BBS9: variants seen among roughly 807,000 people sequenced by gnomAD.
BBS9 encodes protein PTHB1.
In BBS9, 89 loss-of-function variants were observed where a neutral mutation model predicts 117.7. The observed-to-expected ratio is 0.76, with a 90% CI of 0.64 to 0.90. The LOEUF (loss-of-function observed/expected upper bound fraction) is 0.90, where lower values mean the gene tolerates loss of function less well. Among genes scored for constraint, BBS9 ranks in the 40% least tolerant of loss-of-function variants. BBS9 has a pLI of 0.00. For synonymous variants in BBS9, 379 were observed against 370.9 expected (o/e 1.02, Z -0.25); for missense variants, 982 against 1,042.2 (o/e 0.94, Z 0.80).
chr7:33,419,249 C>G (rs1188024051), intron 19 of BBS9, among the ~76,000 whole-genome samples: 1 of 152,028 alleles, frequency 6.6e-6, no homozygotes, highest in African/African-American at 2.4e-5. Flanking sequence ...ATGAAAATAT[C>G]TGTCACTTAA....
At chr7:33,214,504 C>G (rs1247895065) in intron 5 of BBS9, among the ~76,000 whole-genome samples, 1 of 152,192 alleles carries the variant, frequency 6.6e-6, no homozygotes, top group East Asian at 1.9e-4. Flanking sequence ...ACTTTGCTTG[C>G]TCATCTGATT....
chr7:33,263,087 A>G (rs1018826864), intron 6 of BBS9, among the ~76,000 whole-genome samples: 1 of 106,454 alleles, frequency 9.4e-6, no homozygotes, highest in African/African-American at 3.7e-5. Context: ...AAATTTATAT[A>G]TATTACGTTT....
At chr7:33,405,798 C>T (rs1829845143) in intron 19 of BBS9, among the ~76,000 whole-genome samples, 1 of 152,072 alleles carries the variant, frequency 6.6e-6, no homozygotes, top group Non-Finnish European at 1.5e-5. Flanking sequence ...AAAACCAGCT[C>T]CTGGATTCAT....
intron 4 of BBS9, among the ~76,000 whole-genome samples, chr7:33,162,420 G>A (rs901195792): frequency 2.0e-5 from 3 of 152,130 alleles, no homozygotes; most frequent in African/African-American, 7.2e-5. Flanking sequence ...ATTACCTTGG[G>A]CAGTATGGCC....
chr7:33,206,104 A>G (rs1459533757), intron 5 of BBS9, among the ~76,000 whole-genome samples: 2 of 152,174 alleles, frequency 1.3e-5, no homozygotes, highest in African/African-American at 4.8e-5. Flanking sequence ...CAGGGAGGTC[A>G]TCTGCGCATT....
At chr7:33,190,151 G>A (rs184443260) in intron 5 of BBS9, among the ~76,000 whole-genome samples, 2 of 125,624 alleles carry the variant, frequency 1.6e-5, no homozygotes, top group Non-Finnish European at 3.2e-5. Flanking sequence ...ACTGAGTCTC[G>A]CTCTGTCGCC....
At chr7:33,571,188 A>G (rs541363130) in intron 21 of BBS9, among the ~76,000 whole-genome samples, 1 of 152,194 alleles carries the variant, frequency 6.6e-6, no homozygotes, top group Non-Finnish European at 1.5e-5. Flanking sequence ...AAAAAAGTTT[A>G]TAAAGAGGAA....
intron 19 of BBS9, among the ~76,000 whole-genome samples, chr7:33,453,290 C>T (rs1288089514): frequency 6.6e-6 from 1 of 152,194 alleles, no homozygotes; most frequent in East Asian, 1.9e-4. Context: ...GGCCTTTGCT[C>T]TGCTGATAGT....
chr7:33,578,082 G>A (rs1189203187), intron 21 of BBS9, among the ~76,000 whole-genome samples: 1 of 152,102 alleles, frequency 6.6e-6, no homozygotes, highest in Non-Finnish European at 1.5e-5. Context: ...TAAGAAGTCT[G>A]AAAATTGGAT....
intron 21 of BBS9, among the ~76,000 whole-genome samples, chr7:33,601,548 T>C (rs1863794261): frequency 6.6e-6 from 1 of 152,162 alleles, no homozygotes; most frequent in Non-Finnish European, 1.5e-5. Flanking sequence ...GTATCAGATA[T>C]ACTCATCTGT....
chr7:33,155,780 T>A, intron 4 of BBS9, 78 bp downstream of exon 4: 1 of 822,164 alleles, frequency 1.2e-6, no homozygotes, highest in Non-Finnish European at 2.0e-6. Flanking sequence ...TATTCCCTAG[T>A]GCTGACTTGG....
At chr7:33,317,683 A>G (rs1443772976) in intron 9 of BBS9, among the ~76,000 whole-genome samples, 2 of 152,196 alleles carry the variant, frequency 1.3e-5, no homozygotes, top group Non-Finnish European at 2.9e-5. Flanking sequence ...ACTCTATCCA[A>G]AGTGGTCTCT....
At chr7:33,536,281 T>G (rs1851357684) in intron 21 of BBS9, among the ~76,000 whole-genome samples, 1 of 152,182 alleles carries the variant, frequency 6.6e-6, no homozygotes, top group Admixed American at 6.5e-5. Context: ...CTTGCCACTC[T>G]GTGGTTGAGT....
intron 5 of BBS9, among the ~76,000 whole-genome samples, chr7:33,180,655 G>A (rs1242035343): frequency 3.9e-5 from 6 of 152,018 alleles, no homozygotes; most frequent in Admixed American, 6.6e-5. Flanking sequence ...GCACCTGGCC[G>A]AGAAAATTCT....
chr7:33,295,741 T>C (rs994602897), intron 9 of BBS9, among the ~76,000 whole-genome samples: 2 of 152,010 alleles, frequency 1.3e-5, no homozygotes, highest in Non-Finnish European at 2.9e-5. Flanking sequence ...TATATTGCAA[T>C]GTGATTTAAT....
At chr7:33,390,931 C>A (rs1000728143) in intron 19 of BBS9, among the ~76,000 whole-genome samples, 1 of 152,042 alleles carries the variant, frequency 6.6e-6, no homozygotes, top group African/African-American at 2.4e-5. Context: ...TGTACTGGAA[C>A]TCTTTGCATA....
intron 20 of BBS9, among the ~76,000 whole-genome samples, chr7:33,509,330 T>C (rs1247713197): frequency 6.6e-6 from 1 of 152,162 alleles, no homozygotes; most frequent in African/African-American, 2.4e-5. Flanking sequence ...TCCCCCACAT[T>C]ATGCCTTTAG....
At chr7:33,230,538 A>G (rs546667253) in intron 5 of BBS9, among the ~76,000 whole-genome samples, 3 of 152,294 alleles carry the variant, frequency 2.0e-5, no homozygotes, top group East Asian at 3.9e-4. Context: ...TGCACATTGC[A>G]CCCAACAGGT....
chr7:33,148,677 T>C (rs1792808864), intron 2 of BBS9, among the ~76,000 whole-genome samples: 3 of 150,882 alleles, frequency 2.0e-5, no homozygotes, highest in Admixed American at 2.0e-4. Context: ...TTTTTTTTTT[T>C]TTAATGGAGA....
Sources: allele counts gnomAD v4.1 joint callset (sites outside exome capture counted in the v4.1 genomes callset), GRCh38; gene constraint gnomAD v4.1.1; transcripts MANE v1.5; gene names NCBI Gene and HGNC (gene_info 2026-07-23, HGNC 2026-07-21).